Variants in SLCO6A1 observed in about 807,000 individuals in gnomAD.
SLCO6A1 encodes solute carrier organic anion transporter family member 6A1.
In SLCO6A1, 65 loss-of-function variants were observed where a neutral mutation model predicts 72.7. That is an observed-to-expected ratio of 0.89 (90% CI 0.73 to 1.10). SLCO6A1 has a LOEUF of 1.10. Among genes scored for constraint, SLCO6A1 ranks in the 50% least tolerant of loss-of-function variants. The pLI is 0.00. For missense variants in SLCO6A1, 874 were observed against 872.6 expected (o/e 1.00, Z -0.02); for synonymous variants, 314 against 298.2 (o/e 1.05, Z -0.55).
chr5:102,381,426 A>G (rs1176101005), intron 12 of SLCO6A1, among the ~76,000 whole-genome samples: 1 of 151,850 alleles, frequency 6.6e-6, no homozygotes, highest in African/African-American at 2.4e-5. Context: ...AAGGATGAAT[A>G]GTATTCCATT....
In SLCO6A1 at chr5:102,498,874, G is replaced by A; in HGVS notation, c.-30C>T. 6.4e-7 allele frequency: 1 copy of A among 1,571,382 alleles called. No individual in the cohort carries two copies. The highest frequency in any genetic ancestry group is 2.3e-5 in the East Asian group (1 of 44,428). On this transcript the variant is annotated 5_prime_UTR_variant, in exon 1 of 14. Transcript: ENST00000506729. ...CACCCTGGGCGGCTCCTGGCGACGC[G>A]GCCCGAGTGCTCTCGGCTGCCCGTC...
At chr5:102,413,405 T>A (rs1331716980) in intron 8 of SLCO6A1, among the ~76,000 whole-genome samples, 4 of 145,526 alleles carry the variant, frequency 2.7e-5, no homozygotes, top group Admixed American at 1.4e-4. Context: ...ATAACAAACA[T>A]AATAATAAAA....
intron 1 of SLCO6A1, among the ~76,000 whole-genome samples, chr5:102,482,850 C>T (rs57665113): frequency 0.1 from 15,838 of 152,156 alleles, 2,232 homozygotes; most frequent in African/African-American, 0.32. Context: ...GGAGAAATTA[C>T]TGCCCACTTC....
At chr5:102,401,343 C>T (rs370386124) in intron 9 of SLCO6A1, among the ~76,000 whole-genome samples, 21 of 152,074 alleles carry the variant, frequency 1.4e-4, no homozygotes, top group East Asian at 3.9e-4. Context: ...AAACAGCTAT[C>T]GGGTGGCAAT....
intron 1 of SLCO6A1, 84 bp downstream of exon 1, chr5:102,498,403 G>A (rs190012354): frequency 6.7e-6 from 9 of 1,350,236 alleles, no homozygotes; most frequent in Middle Eastern, 2.0e-4. Flanking sequence ...ACCCCAGGGC[G>A]TCCTCCGCCA....
intron 12 of SLCO6A1, among the ~76,000 whole-genome samples, chr5:102,386,152 G>A (rs1746406199): frequency 6.6e-6 from 1 of 152,004 alleles, no homozygotes; most frequent in African/African-American, 2.4e-5. Flanking sequence ...TCAGCAGATG[G>A]GCTGGCCTGA....
intron 10 of SLCO6A1, among the ~76,000 whole-genome samples, chr5:102,395,113 A>G (rs890085292): frequency 5.9e-5 from 9 of 152,050 alleles, no homozygotes; most frequent in African/African-American, 1.7e-4. Context: ...ATATATATAT[A>G]TGTGTCATGT....
chr5:102,390,917 A>G, intron 11 of SLCO6A1, 64 bp downstream of exon 11: 1 of 1,300,956 alleles, frequency 7.7e-7, no homozygotes, highest in Non-Finnish European at 1.1e-6. Context: ...CTAAATACAC[A>G]TGTAGACATA....
intron 1 of SLCO6A1, among the ~76,000 whole-genome samples, chr5:102,497,629 C>T (rs1456777483): frequency 2.6e-5 from 4 of 152,332 alleles, no homozygotes; most frequent in South Asian, 2.1e-4. Context: ...GAAATTATGA[C>T]AGTGAAACAG....
chr5:102,454,468 C>G (rs1394868001), intron 6 of SLCO6A1, among the ~76,000 whole-genome samples: 1 of 152,186 alleles, frequency 6.6e-6, no homozygotes, highest in Non-Finnish European at 1.5e-5. Flanking sequence ...TTCCACGTTT[C>G]TCTCTTTGCA....
At chr5:102,457,371 T>C (rs1414436532) in intron 6 of SLCO6A1, among the ~76,000 whole-genome samples, 2 of 150,284 alleles carry the variant, frequency 1.3e-5, no homozygotes, top group African/African-American at 4.9e-5. Context: ...AGGGCTAGTA[T>C]CCAGAATCTA....
At chr5:102,470,374 T>TG (rs1454652826) in intron 4 of SLCO6A1, among the ~76,000 whole-genome samples, 2 of 152,200 alleles carry the variant, frequency 1.3e-5, no homozygotes, top group Non-Finnish European at 2.9e-5. Context: ...AACTTCTTCC[T>TG]GGTTTAGTCT....
intron 1 of SLCO6A1, among the ~76,000 whole-genome samples, chr5:102,490,166 C>A (rs1184540391): frequency 6.6e-6 from 1 of 152,096 alleles, no homozygotes; most frequent in East Asian, 1.9e-4. Context: ...TTCTGGTGCT[C>A]TGTTGCACAG....
In SLCO6A1 at chr5:102,458,817, C is replaced by T. The variant is rs149386943; in HGVS notation, c.1022-326G>A. On this transcript the variant is annotated intron_variant, in intron 5 of 13. Transcript: ENST00000506729. ...TTTAATTTATTTTAAAATTTAGCCACACTTGATTTGCCCTAAAATATGAGG... is the reference window on the plus strand; with the variant it reads ...TTTAATTTATTTTAAAATTTAGCCATACTTGATTTGCCCTAAAATATGAGG... 2.2e-4 allele frequency among the ~76,000 whole-genome samples: 33 copies of T among 152,216 alleles called. 1 individual carries two copies. In the East Asian group the frequency reaches 6.4e-3, roughly 29 times the overall value.
At chr5:102,459,595 T>A (rs1750915478) in intron 5 of SLCO6A1, 61 bp downstream of exon 5, 1 of 1,486,874 alleles carries the variant, frequency 6.7e-7, no homozygotes, top group African/African-American at 1.4e-5. Flanking sequence ...TCTATGAGAA[T>A]AAGAACCATG....
Position 102,460,899 on chromosome 5 carries a change from CATATATATAT to C in SLCO6A1, c.900-1132_900-1123del, listed in dbSNP as rs60973292. Among the ~76,000 whole-genome samples, 351 of 129,728 alleles carry C rather than the reference CATATATATAT, an allele frequency of 2.7e-3. 2 individuals are homozygous for C. The highest frequency in any genetic ancestry group is 4.4e-3 in the Middle Eastern group (1 of 226). 85.1% of individuals were successfully genotyped at this position (129,728 alleles called of 152,430 possible). On this transcript the variant is annotated intron_variant, in intron 4 of 13. Coordinates refer to ENST00000506729, the MANE Select transcript of SLCO6A1 (RefSeq NM_173488.5). ...CTTGATTGTCATTACCCACTTATCT[CATATATATAT>C]ATATATATATATATATATATATATA...
intron 6 of SLCO6A1, among the ~76,000 whole-genome samples, chr5:102,449,356 T>C (rs1399286154): frequency 6.6e-6 from 1 of 151,626 alleles, no homozygotes; most frequent in African/African-American, 2.4e-5. Context: ...ATAGTCATCT[T>C]GTATAATATC....
chr5:102,449,964 C>T (rs116415600), intron 6 of SLCO6A1, among the ~76,000 whole-genome samples: 334 of 152,252 alleles, frequency 2.2e-3, no homozygotes, highest in African/African-American at 6.6e-3. Flanking sequence ...TCTTGTAGTG[C>T]GTTTTTCAGC....
chr5:102,384,991 T>C (rs1746328473), intron 12 of SLCO6A1, among the ~76,000 whole-genome samples: 1 of 152,154 alleles, frequency 6.6e-6, no homozygotes, highest in Non-Finnish European at 1.5e-5. Context: ...CCTTTAGCAT[T>C]TCTTGTAAGT....
Sources: gnomAD v4.1 joint callset for allele counts (sites outside exome capture counted in the v4.1 genomes callset) on GRCh38, gnomAD v4.1.1 for gene constraint, MANE v1.5 for transcripts, NCBI Gene and HGNC (gene_info 2026-07-23, HGNC 2026-07-21) for gene names.